Variants in ZNF552 observed in about 807,000 individuals in gnomAD.
ZNF552 encodes zinc finger protein 552.
In ZNF552, 2 loss-of-function variants were observed where a neutral mutation model predicts 7.2. That is an observed-to-expected ratio of 0.28 (90% CI 0.11 to 0.88). The LOEUF (loss-of-function observed/expected upper bound fraction) is 0.88. Among genes scored for constraint, ZNF552 ranks in the 40% least tolerant of loss-of-function variants. The pLI, the probability that ZNF552 is intolerant of heterozygous loss-of-function variation, is 0.60. For missense variants in ZNF552, 421 were observed against 493.4 expected (o/e 0.85, Z 1.39); for synonymous variants, 173 against 176.5 (o/e 0.98, Z 0.16).
At chr19:57,812,531 ACT>A (rs1987877064) in intron 2 of ZNF552, among the ~76,000 whole-genome samples, 1 of 152,152 alleles carries the variant, frequency 6.6e-6, no homozygotes, top group African/African-American at 2.4e-5. Flanking sequence ...GCTTAGAACA[ACT>A]CAGCACATGA....
chr19:57,814,391 T>C, intron 1 of ZNF552: 1 of 854,460 alleles, frequency 1.2e-6, no homozygotes, highest in Non-Finnish European at 1.8e-6. Flanking sequence ...GTCCTCGCAA[T>C]GATTTCACAG....
chr19:57,809,704 C>T (rs1286883910), intron 2 of ZNF552, among the ~76,000 whole-genome samples: 1 of 151,452 alleles, frequency 6.6e-6, no homozygotes, highest in African/African-American at 2.4e-5. Context: ...AGGTTCTTAA[C>T]AATGGGGAAG....
chr19:57,809,870 G>A (rs1012676908), intron 2 of ZNF552, among the ~76,000 whole-genome samples: 1 of 152,110 alleles, frequency 6.6e-6, no homozygotes, highest in Non-Finnish European at 1.5e-5. Context: ...TACAATCCCA[G>A]CACTTTGGGA....
At chr19:57,813,129 G>A (rs1218653967) in intron 2 of ZNF552, 165 bp downstream of exon 2, 14 of 1,199,652 alleles carry the variant, frequency 1.2e-5, no homozygotes, top group East Asian at 2.6e-5. Flanking sequence ...TGTTGGGGCT[G>A]CTCCAAGAAT....
In ZNF552 at chr19:57,814,832, C is replaced by T. The variant is rs1272136423; in HGVS notation, c.-89G>A. On this transcript the variant is annotated 5_prime_UTR_variant, in exon 1 of 3. Transcript: ENST00000391701. Reference sequence around the variant, plus strand: ...TCTGTGCAAAGAGAAGAACGACTCTCGACCTCCTGGATCCAGTCACCACCA... The same window carrying T: ...TCTGTGCAAAGAGAAGAACGACTCTTGACCTCCTGGATCCAGTCACCACCA... 6.0e-6 allele frequency: 8 copies of T among 1,342,388 alleles called. No individual in the cohort carries two copies. Among genetic ancestry groups the T allele is most frequent in the African/African-American group, 2.9e-5 (2 of 68,374 alleles). 83.2% of individuals were successfully genotyped at this position (1,342,388 alleles called of 1,614,324 possible).
intron 2 of ZNF552, among the ~76,000 whole-genome samples, chr19:57,811,167 T>TA (rs35633794): frequency 0.15 from 22,369 of 151,822 alleles, 1,855 homozygotes; most frequent in East Asian, 0.2. Flanking sequence ...TTTTCTTTTT[T>TA]TTTTTTATTT....
At position 57,814,732 on chromosome 19, in the gene ZNF552, G is replaced by T. The variant is rs1171946226; in HGVS notation, c.12C>A (p.Ala4=). 3.1e-6 allele frequency: 5 copies of T among 1,613,854 alleles called. No individual in the cohort carries two copies. The highest frequency in any genetic ancestry group is 1.3e-5 in the African/African-American group (1 of 74,938). Residue 4 remains alanine (A), a synonymous_variant, in exon 1 of 3, where the codon GCC becomes GCA. Coordinates refer to ENST00000391701, the MANE Select transcript of ZNF552 (RefSeq NM_024762.3). The part of the protein sequence containing the change: MAA[A]ALRFPVQGTV... The stretch of plus-strand genomic sequence containing the variant: ...TTACCTGAACGGGGAACCTTAGCGC[G>T]GCCGCCGCCATGGGACCACGTGGGG...
chr19:57,813,416 G>A lies in ZNF552; in HGVS notation c.38C>T (p.Thr13Ile), dbSNP rs1987895212. The A allele has an allele frequency of 1.9e-6, 3 of 1,613,828 alleles. No homozygotes were observed. Among genetic ancestry groups the A allele is most frequent in the African/African-American group, 2.7e-5 (2 of 74,860 alleles). Reference protein sequence around the residue: ...AAALRFPVQGTVTFEDVAVKF... With the variant: ...AAALRFPVQGIVTFEDVAVKF... The stretch of plus-strand genomic sequence containing the variant: ...CACAGCCACGTCTTCAAAAGTCACT[G>A]TGCCCTGTTATGATGTTGACAGATG... Residue 13 changes from threonine to isoleucine, a missense_variant, in exon 2 of 3, where the codon ACA (threonine) becomes ATA (isoleucine). Coordinates refer to ENST00000391701, the MANE Select transcript of ZNF552 (RefSeq NM_024762.3).
At chr19:57,809,201 G>A in intron 2 of ZNF552, 98 bp from the exon 3 acceptor site, 2 of 1,607,760 alleles carry the variant, frequency 1.2e-6, no homozygotes, top group Non-Finnish European at 1.7e-6. Flanking sequence ...ATTACTCCAA[G>A]GAAGTACTTG....
Position 57,808,446 on chromosome 19 carries a change from C to T in ZNF552, c.818G>A (p.Cys273Tyr), listed in dbSNP as rs1218266602. ...TREKPYTCGI[C>Y]GKLFNSKSHL... ...GGACTTACTGTTAAATAATTTCCCACATATCCCACACGTATAAGGTTTTTC... is the reference window on the plus strand; with the variant it reads ...GGACTTACTGTTAAATAATTTCCCATATATCCCACACGTATAAGGTTTTTC... Residue 273 changes from cysteine (C) to tyrosine (Y), a missense_variant, in exon 3 of 3, where the codon TGT becomes TAT. This residue lies in a region of ZNF552 where 299 missense variants were observed against 293.7 expected (regional missense o/e 1.02). Transcript: ENST00000391701. 6.2e-7 allele frequency: 1 copy of T among 1,613,918 alleles called. No individual in the cohort carries two copies. The highest frequency in any genetic ancestry group is 1.3e-5 in the African/African-American group (1 of 75,034).
At chr19:57,812,905 A>T (rs997100091) in intron 2 of ZNF552, among the ~76,000 whole-genome samples, 17 of 152,212 alleles carry the variant, frequency 1.1e-4, no homozygotes, top group Non-Finnish European at 4.4e-5. Context: ...TTACAAGAAC[A>T]GTCTATAGTC....
In ZNF552 at chr19:57,807,755, C is replaced by T; in HGVS notation, c.*285G>A. ...CCCATGTAGCAATCCTCCCACATGA[C>T]AGCTCTCCTGTGAGTTATGCAGCCA... On this transcript the variant is annotated 3_prime_UTR_variant, in exon 3 of 3. Coordinates refer to ENST00000391701, the MANE Select transcript of ZNF552 (RefSeq NM_024762.3). 1 of 341,364 alleles carries T rather than the reference C, an allele frequency of 2.9e-6. No homozygotes were observed. The highest frequency in any genetic ancestry group is 5.1e-6 in the Non-Finnish European group (1 of 196,580). The allele number at this position is 341,364 out of a possible 1,614,324, so 21.1% of individuals were successfully genotyped here. A position where few individuals can be genotyped will look rare whatever the true frequency, so the allele number is the denominator to read the frequency against.
intron 1 of ZNF552, among the ~76,000 whole-genome samples, chr19:57,813,754 T>C (rs1156309430): frequency 3.1e-5 from 4 of 128,194 alleles, no homozygotes; most frequent in African/African-American, 1.1e-4. Flanking sequence ...TTTTTTTTTT[T>C]TTTTTTTTGA....
rs965248663 is a variant in ZNF552 at position 57,807,160 on chromosome 19, G to A, written c.*880C>T. 6.6e-6 allele frequency: 1 copy of A among 152,134 alleles called. No individual in the cohort carries two copies. Among genetic ancestry groups the A allele is most frequent in the African/African-American group, 2.4e-5 (1 of 41,438 alleles). The allele number at this position is 152,134 out of a possible 1,614,324, so 9.4% of individuals were successfully genotyped here. A position where few individuals can be genotyped will look rare whatever the true frequency, so the allele number is the denominator to read the frequency against. On this transcript the variant is annotated 3_prime_UTR_variant, in exon 3 of 3. Coordinates refer to ENST00000391701, the MANE Select transcript of ZNF552 (RefSeq NM_024762.3). The stretch of plus-strand genomic sequence containing the variant: ...GTATTATACAGCAGAGTAAATCAAT[G>A]GTTGTCTGCATAGAGAAAAACTTTA...
At chr19:57,814,614 C>T (rs539309894) in intron 1 of ZNF552, 97 bp downstream of exon 1, 1 of 1,602,986 alleles carries the variant, frequency 6.2e-7, no homozygotes, top group Admixed American at 1.7e-5. Context: ...GACGCCGGGT[C>T]CGGGTTGCAG....
At position 57,808,070 on chromosome 19, in the gene ZNF552, A is replaced by T. The variant is rs1987774935; in HGVS notation, c.1194T>A (p.His398Gln). The change falls in exon 3 of 3, where the codon CAT becomes CAA. Residue 398 changes from histidine (H) to glutamine (Q), a missense_variant. By Grantham distance (24) the His-to-Gln change is conservative. Coordinates refer to ENST00000391701, the MANE Select transcript of ZNF552 (RefSeq NM_024762.3). Reference sequence around the variant, plus strand: ...AGCCCTTTCTTTTGTGAACTCTCTGATGATGACGAAGTGAAGAGATTTGCC... The same window carrying T: ...AGCCCTTTCTTTTGTGAACTCTCTGTTGATGACGAAGTGAAGAGATTTGCC... ...KFRQISSLRH[H>Q]QRVHKRKGL 3.1e-6 allele frequency: 5 copies of T among 1,613,444 alleles called. No individual in the cohort carries two copies. Among genetic ancestry groups the T allele is most frequent in the Non-Finnish European group, 4.2e-6 (5 of 1,179,712 alleles).
chr19:57,813,042 G>A, intron 2 of ZNF552: 1 of 540,250 alleles, frequency 1.9e-6, no homozygotes, highest in Non-Finnish European at 3.2e-6. Context: ...ACATCCACAG[G>A]ACAAACAAGG....
At chr19:57,813,061 A>G in intron 2 of ZNF552, 1 of 589,884 alleles carries the variant, frequency 1.7e-6, no homozygotes. Flanking sequence ...GGTAGCCTGC[A>G]TTAAGTTGCC....
Position 57,811,715 on chromosome 19 carries a change from CAAAAAAAA to C in ZNF552, c.160+1571_160+1578del, listed in dbSNP as rs1162967437. On this transcript the variant is annotated intron_variant, in intron 2 of 2. Transcript: ENST00000391701. ...GGACAACAAGAGCGAAACTCCATCTCAAAAAAAAAAAAAAAAAAAAAAACAATGGAGAA... is the reference window on the plus strand; with the variant it reads ...GGACAACAAGAGCGAAACTCCATCTCAAAAAAAAAAAAAAACAATGGAGAA... Among the ~76,000 whole-genome samples, 12 of 49,704 alleles carry C rather than the reference CAAAAAAAA, an allele frequency of 2.4e-4. No individual in the cohort carries two copies. In the East Asian group the frequency reaches 4.5e-3, roughly 19 times the overall value. 32.6% of individuals were successfully genotyped at this position (49,704 alleles called of 152,430 possible).
Sources: allele counts gnomAD v4.1 joint callset (sites outside exome capture counted in the v4.1 genomes callset), GRCh38; gene constraint gnomAD v4.1.1; regional missense constraint gnomAD v4.1.1; transcripts MANE v1.5; gene names NCBI Gene and HGNC (gene_info 2026-07-23, HGNC 2026-07-21).